The following L3MBTL4 variants were observed in gnomAD, a reference collection of about 807,000 sequenced individuals.
L3MBTL4 encodes the protein L3MBTL histone methyl-lysine binding protein 4.
In L3MBTL4, 70 loss-of-function variants were observed where a neutral mutation model predicts 84.5. The observed-to-expected ratio is 0.83, with a 90% CI of 0.68 to 1.01. The LOEUF is 1.01. L3MBTL4 is among the 50% of genes least tolerant of loss of function. The pLI is 0.00. For synonymous variants in L3MBTL4, 274 were observed against 259.8 expected (o/e 1.05, Z -0.52); for missense variants, 715 against 754.8 (o/e 0.95, Z 0.62).
rs115116761 is a variant in L3MBTL4, at chr18:6,351,230, G to C, written c.-90-39174C>G. Among the ~76,000 whole-genome samples the C allele has an allele frequency of 2.5e-3, 378 of 152,088 alleles. 4 individuals are homozygous for C. The highest frequency in any genetic ancestry group is 8.7e-3 in the African/African-American group (359 of 41,460). On this transcript the variant is annotated intron_variant, in intron 1 of 18. Transcript: ENST00000317931. ...GCATACTACAACATAAATGAATCTT[G>C]AAAACATTATGCTAAGCAAAATAAG...
chr18:6,413,026 A>C (rs2056035049), intron 1 of L3MBTL4, among the ~76,000 whole-genome samples: 1 of 152,144 alleles, frequency 6.6e-6, no homozygotes. Context: ...TTAAGGCTGC[A>C]GTGAGCCATG....
At chr18:6,379,628 T>C (rs2054514108) in intron 1 of L3MBTL4, among the ~76,000 whole-genome samples, 1 of 152,220 alleles carries the variant, frequency 6.6e-6, no homozygotes. Context: ...TTTATTGATT[T>C]GCATATGTTG....
chr18:6,105,177 C>T (rs2058960712), intron 14 of L3MBTL4, among the ~76,000 whole-genome samples: 1 of 146,110 alleles, frequency 6.8e-6, no homozygotes, highest in African/African-American at 2.6e-5. Flanking sequence ...GTTGAGAACA[C>T]CACCAATTTT....
At chr18:6,173,513 C>T (rs2044077475) in intron 12 of L3MBTL4, among the ~76,000 whole-genome samples, 1 of 152,168 alleles carries the variant, frequency 6.6e-6, no homozygotes, top group Non-Finnish European at 1.5e-5. Context: ...GGTGCAGTAG[C>T]TCATGCCTGT....
At chr18:5,961,065 T>C (rs554739932) in intron 17 of L3MBTL4, among the ~76,000 whole-genome samples, 170 of 152,342 alleles carry the variant, frequency 1.1e-3, no homozygotes, top group Non-Finnish European at 2.0e-3. Context: ...GTAAATGTAA[T>C]CTTGGGAGGT....
chr18:5,999,047 CTT>C (rs1238144647), intron 16 of L3MBTL4, among the ~76,000 whole-genome samples: 1 of 152,192 alleles, frequency 6.6e-6, no homozygotes, highest in Non-Finnish European at 1.5e-5. Flanking sequence ...AAGGAACACT[CTT>C]TAGCATGGTG....
intron 12 of L3MBTL4, among the ~76,000 whole-genome samples, chr18:6,177,779 C>T (rs1263122227): frequency 6.6e-6 from 1 of 152,196 alleles, no homozygotes; most frequent in East Asian, 1.9e-4. Context: ...AAGGTGTGAA[C>T]AGGCAACACT....
chr18:6,352,303 C>A (rs982653878), intron 1 of L3MBTL4, among the ~76,000 whole-genome samples: 1 of 152,190 alleles, frequency 6.6e-6, no homozygotes, highest in South Asian at 2.1e-4. Context: ...TCTTTATGAG[C>A]TGAATCTTTT....
intron 14 of L3MBTL4, among the ~76,000 whole-genome samples, chr18:6,132,983 G>A (rs746221086): frequency 1.3e-5 from 2 of 152,188 alleles, no homozygotes; most frequent in Non-Finnish European, 2.9e-5. Flanking sequence ...CCAGTTCCAC[G>A]GGAGGGGTAT....
chr18:6,403,338 A>G (rs202014067), intron 1 of L3MBTL4, among the ~76,000 whole-genome samples: 15 of 152,310 alleles, frequency 9.8e-5, no homozygotes, highest in East Asian at 7.7e-4. Context: ...ACTGTTCACC[A>G]TTTCAGAAAA....
chr18:6,105,821 A>G (rs2058988091), intron 14 of L3MBTL4, among the ~76,000 whole-genome samples: 1 of 151,938 alleles, frequency 6.6e-6, no homozygotes, highest in South Asian at 2.1e-4. Context: ...AAAAAAATGA[A>G]AAAAGACTCT....
intron 12 of L3MBTL4, among the ~76,000 whole-genome samples, chr18:6,207,843 C>G (rs1301082808): frequency 1.3e-5 from 2 of 152,056 alleles, no homozygotes; most frequent in Admixed American, 1.3e-4. Flanking sequence ...CGACGTCTCA[C>G]ACCTATAATC....
At chr18:6,150,926 C>T (rs2042866280) in intron 13 of L3MBTL4, among the ~76,000 whole-genome samples, 1 of 152,208 alleles carries the variant, frequency 6.6e-6, no homozygotes, top group African/African-American at 2.4e-5. Context: ...CAAATTCTAA[C>T]TTTCCAATGC....
chr18:6,328,805 C>A (rs1276655351), intron 1 of L3MBTL4, among the ~76,000 whole-genome samples: 1 of 152,228 alleles, frequency 6.6e-6, no homozygotes, highest in Non-Finnish European at 1.5e-5. Flanking sequence ...AGTTCTAGCT[C>A]TGACTCTCCA....
chr18:6,161,383 G>C (rs1288263885), intron 13 of L3MBTL4, among the ~76,000 whole-genome samples: 1 of 152,126 alleles, frequency 6.6e-6, no homozygotes, highest in Non-Finnish European at 1.5e-5. Flanking sequence ...ATTCTCAAGA[G>C]GCTTTTCCCT....
chr18:6,245,285 C>T (rs547532767), intron 5 of L3MBTL4, among the ~76,000 whole-genome samples: 332 of 152,282 alleles, frequency 2.2e-3, no homozygotes, highest in African/African-American at 7.7e-3. Flanking sequence ...GTAGTTAGTG[C>T]TCAAGGATGG....
At chr18:6,348,440 T>C (rs1478710461) in intron 1 of L3MBTL4, among the ~76,000 whole-genome samples, 1 of 152,008 alleles carries the variant, frequency 6.6e-6, no homozygotes, top group East Asian at 1.9e-4. Context: ...GATTAGAAAG[T>C]TCAGAAACAG....
Position 6,293,161 on chromosome 18 carries a change from A to G in L3MBTL4, c.127+8742T>C, listed in dbSNP as rs1051307119. On this transcript the variant is annotated intron_variant, in intron 4 of 18. Coordinates refer to ENST00000317931, the MANE Select transcript of L3MBTL4 (RefSeq NM_001330559.2). Reference sequence around the variant, plus strand: ...TAGTTTACTCAACTTCAACATATAGACATCTGTGTTCATAAATATACAAAC... The same window carrying G: ...TAGTTTACTCAACTTCAACATATAGGCATCTGTGTTCATAAATATACAAAC... Among the ~76,000 whole-genome samples the G allele has an allele frequency of 2.0e-5, 3 of 152,174 alleles. No homozygotes were observed. In the East Asian group the frequency reaches 5.8e-4, roughly 29 times the overall value.
Position 6,167,235 on chromosome 18 carries a change from T to A in L3MBTL4, c.1096+4593A>T, listed in dbSNP as rs542033752. On this transcript the variant is annotated intron_variant, in intron 13 of 18. Coordinates refer to ENST00000317931, the MANE Select transcript of L3MBTL4 (RefSeq NM_001330559.2). ...AGGACAAGATGGATTCACAGCTGAA[T>A]TCTACCAGAGGTACAAGGAGGAGCT... is the stretch of plus-strand genomic sequence containing the variant. Among the ~76,000 whole-genome samples the A allele has an allele frequency of 1.9e-4, 29 of 152,334 alleles. No individual in the cohort carries two copies. The South Asian group carries it at 6.0e-3, about 32-fold the overall frequency.
Sources: allele counts gnomAD v4.1 joint callset (sites outside exome capture counted in the v4.1 genomes callset), GRCh38; gene constraint gnomAD v4.1.1; transcripts MANE v1.5; gene names NCBI Gene and HGNC (gene_info 2026-07-23, HGNC 2026-07-21).